The following CYP4F11 variants were observed in gnomAD, a reference collection of about 807,000 sequenced individuals.
CYP4F11 encodes the protein cytochrome P450 4F11.
A neutral mutation model predicts 62.2 loss-of-function variants in CYP4F11; 79 were observed. The ratio of observed to expected loss-of-function variants is 1.27; its 90% CI spans 1.06 to 1.53. CYP4F11 has a LOEUF of 1.53. CYP4F11 is among the 40% of genes most tolerant of loss of function. The pLI is 0.00. For synonymous variants in CYP4F11, 290 were observed against 263.7 expected (o/e 1.10, Z -0.97); for missense variants, 777 against 680.5 (o/e 1.14, Z -1.58).
chr19:15,921,880 G>A (rs971892656), intron 8 of CYP4F11, among the ~76,000 whole-genome samples, 157 bp downstream of exon 8: 1 of 152,118 alleles, frequency 6.6e-6, no homozygotes, highest in African/African-American at 2.4e-5. Flanking sequence ...ACCATCCCCT[G>A]CTGGCCTGGC....
chr19:15,921,650 C>A (rs1379373057), intron 8 of CYP4F11, among the ~76,000 whole-genome samples: 1 of 152,228 alleles, frequency 6.6e-6, no homozygotes, highest in Non-Finnish European at 1.5e-5. Flanking sequence ...CTTTTACCCT[C>A]AGGTCTCTCT....
chr19:15,925,758 A>ACACC (rs908914243), intron 4 of CYP4F11, among the ~76,000 whole-genome samples: 14 of 148,788 alleles, frequency 9.4e-5, no homozygotes, highest in South Asian at 4.3e-4. Context: ...ACACACACAC[A>ACACC]CCCTGTAGTT....
intron 6 of CYP4F11, 57 bp downstream of exon 6, chr19:15,923,755 T>C (rs1419933032): frequency 6.4e-7 from 1 of 1,563,096 alleles, no homozygotes; most frequent in Non-Finnish European, 8.7e-7. Context: ...TTCTTTCATT[T>C]GACAGAGGCA....
chr19:15,924,497 C>A (rs954804005), intron 5 of CYP4F11, among the ~76,000 whole-genome samples: 1 of 152,160 alleles, frequency 6.6e-6, no homozygotes, highest in Non-Finnish European at 1.5e-5. Flanking sequence ...ATCGGCCCAA[C>A]CCTCTTCAAA....
chr19:15,918,721 C>A (rs1390609907), intron 8 of CYP4F11, among the ~76,000 whole-genome samples: 1 of 152,030 alleles, frequency 6.6e-6, no homozygotes, highest in African/African-American at 2.4e-5. Flanking sequence ...AGATAAACAT[C>A]CACACAACAG....
rs935017220 is a variant in CYP4F11 at position 15,929,743 on chromosome 19, G to T, written c.199-142C>A. The T allele has an allele frequency of 3.0e-6, 3 of 987,120 alleles. No homozygotes were observed. In the African/African-American group the frequency reaches 4.9e-5, roughly 16 times the overall value. The allele number at this position is 987,120 out of a possible 1,614,324, so 61.1% of individuals were successfully genotyped here. ...ACATTATTTCTGGATGTGTCCATCG[G>T]TGTATTTCCAGAAGAGATTCACATT... On this transcript the variant is annotated intron_variant, in intron 1 of 11. Coordinates refer to ENST00000402119, the MANE Select transcript of CYP4F11 (RefSeq NM_021187.4).
At chr19:15,919,413 CGGATGGATGGAT>C (rs56657452) in intron 8 of CYP4F11, among the ~76,000 whole-genome samples, 12 of 144,506 alleles carry the variant, frequency 8.3e-5, no homozygotes, top group South Asian at 2.2e-4. Flanking sequence ...GATGGATGGA[CGGATGGATGGAT>C]GGATGGATGG....
intron 8 of CYP4F11, among the ~76,000 whole-genome samples, chr19:15,918,221 G>C (rs1449447758): frequency 6.6e-6 from 1 of 152,138 alleles, no homozygotes; most frequent in Non-Finnish European, 1.5e-5. Context: ...TCACTTACAA[G>C]TGGGAGCCGA....
chr19:15,921,629 G>A lies in CYP4F11; in HGVS notation c.1115+408C>T, dbSNP rs565319589. The stretch of plus-strand genomic sequence containing the variant: ...ATGAACAATGCAGGTGTTCTGGATA[G>A]GAATGAATGACTTTTACCCTCAGGT... On this transcript the variant is annotated intron_variant, in intron 8 of 11. Transcript: ENST00000402119. 5.2e-4 allele frequency among the ~76,000 whole-genome samples: 79 copies of A among 152,328 alleles called. 1 individual carries two copies. The highest frequency in any genetic ancestry group is 6.8e-3 in the Middle Eastern group (2 of 294).
rs1313895231 is a variant in CYP4F11 at position 15,914,838 on chromosome 19, C to A, written c.1173G>T (p.Leu391Phe). The stretch of plus-strand genomic sequence containing the variant: ...GGGAGATGACCGGGACTGGGGGATG[C>A]AACCGCAGGCTCTCCTTAATGCACA... ...LTMCIKESLR[L>F]HPPVPVISRC... The change falls in exon 9 of 12, where the codon TTG (leucine) becomes TTT (phenylalanine). Residue 391 changes from leucine (L) to phenylalanine (F), a missense_variant. Transcript: ENST00000402119. 5.0e-6 allele frequency: 8 copies of A among 1,614,056 alleles called. No homozygotes were observed. The African/African-American group carries it at 1.1e-4, about 22-fold the overall frequency.
chr19:15,934,367 C>T lies in CYP4F11; in HGVS notation c.42G>A (p.Val14=). The change falls in exon 1 of 12, where the codon GTG becomes GTA. Residue 14 remains valine (V), a synonymous_variant. Coordinates refer to ENST00000402119, the MANE Select transcript of CYP4F11 (RefSeq NM_021187.4). ...LSLSWLGLGP[V]AASPWLLLLL... is the part of the protein sequence containing the mutation. ...GCAGAAGCAGCCACGGGGATGCTGC[C>T]ACGGGCCCGAGGCCCAGCCAGGACA... 11 of 1,613,342 alleles carry T rather than the reference C, an allele frequency of 6.8e-6. No individual in the cohort carries two copies. The highest frequency in any genetic ancestry group is 9.3e-6 in the Non-Finnish European group (11 of 1,179,646).
rs763000209 is a variant in CYP4F11 at position 15,914,744 on chromosome 19, C to T, written c.1249+18G>A. The stretch of plus-strand genomic sequence containing the variant: ...CTCTTGCTACCCAGGAGGCTCCTCC[C>T]CCTGAGGCTGTGAGCACCTTTGGGG... On this transcript the variant is annotated intron_variant, in intron 9 of 11. Coordinates refer to ENST00000402119, the MANE Select transcript of CYP4F11 (RefSeq NM_021187.4). 6.2e-7 allele frequency: 1 copy of T among 1,614,050 alleles called. No homozygotes were observed. The highest frequency in any genetic ancestry group is 8.5e-7 in the Non-Finnish European group (1 of 1,179,902).
rs200031770 is a variant in CYP4F11 at position 15,914,629 on chromosome 19, G to C, written c.1287C>G (p.Tyr429Ter). The stretch of plus-strand genomic sequence containing the variant: ...CAGGGTCTGGCCACACAGTTGGGTT[G>C]TAATGGATCCCGATAATATTGATGA... ...VCLINIIGIHYNPTVWPDPEV... is the reference protein window; with the variant it reads ...VCLINIIGIH Residue 429 changes from tyrosine (Y) to a stop codon, truncating the protein, a stop_gained, in exon 10 of 12, where the codon TAC (tyrosine) becomes TAG (stop). Coordinates refer to ENST00000402119, the MANE Select transcript of CYP4F11 (RefSeq NM_021187.4). LOFTEE classifies it high-confidence loss of function. 9.8e-5 allele frequency: 158 copies of C among 1,614,104 alleles called. No individual in the cohort carries two copies. The highest frequency in any genetic ancestry group is 1.2e-4 in the Non-Finnish European group (143 of 1,180,042).
At position 15,927,223 on chromosome 19, in the gene CYP4F11, T is replaced by C. The variant is rs1182646501; in HGVS notation, c.514A>G (p.Asn172Asp). 7.4e-6 allele frequency: 12 copies of C among 1,614,068 alleles called. No individual in the cohort carries two copies. Among genetic ancestry groups the C allele is most frequent in the Non-Finnish European group, 8.5e-6 (10 of 1,179,952 alleles). ...TTCAAGGGACTCACGTGCATGATGTTCACACTCTTGTTGAAAATCTTCATA... is the reference window on the plus strand; with the variant it reads ...TTCAAGGGACTCACGTGCATGATGTCCACACTCTTGTTGAAAATCTTCATA... ...PYMKIFNKSV[N>D]IMHDKWQRLA... Residue 172 changes from asparagine (N) to aspartate (D), a missense_variant, in exon 4 of 12, where the codon AAC becomes GAC. Physicochemically the swap from Asn to Asp is conservative, Grantham distance 23 (BLOSUM62 1). Transcript: ENST00000402119.
At position 15,914,377 on chromosome 19, in the gene CYP4F11, G is replaced by A. The variant is rs1371921233; in HGVS notation, c.1325C>T (p.Pro442Leu). ...GATGTTCTCTTGGTCGAAACGGAAGGGGTCGTAGACCTGCAGGTGAGACCA... is the reference window on the plus strand; with the variant it reads ...GATGTTCTCTTGGTCGAAACGGAAGAGGTCGTAGACCTGCAGGTGAGACCA... ...TVWPDPEVYD[P>L]FRFDQENIKE... The change falls in exon 11 of 12, where the codon CCC (proline) becomes CTC (leucine). Residue 442 changes from proline to leucine, a missense_variant. By Grantham distance (98) the Pro-to-Leu change is moderately conservative (BLOSUM62 -3). Coordinates refer to ENST00000402119, the MANE Select transcript of CYP4F11 (RefSeq NM_021187.4). The A allele has an allele frequency of 6.2e-7, 1 of 1,613,998 alleles. No individual in the cohort carries two copies. Among genetic ancestry groups the A allele is most frequent in the Non-Finnish European group, 8.5e-7 (1 of 1,179,938 alleles).
chr19:15,912,745 A>ATGTGTGTG lies in CYP4F11; in HGVS notation c.*979_*986dup, dbSNP rs202181290. ...TGTGTGTGTGTGTGTATATGTATAT[A>ATGTGTGTG]TGTGTGTGTGTGTGTGTGTGTGTGT... On this transcript the variant is annotated 3_prime_UTR_variant, in exon 12 of 12. Coordinates refer to ENST00000402119, the MANE Select transcript of CYP4F11 (RefSeq NM_021187.4). The ATGTGTGTG allele has an allele frequency of 7.0e-5, 6 of 85,958 alleles. No homozygotes were observed. The highest frequency in any genetic ancestry group is 3.7e-4 in the African/African-American group (6 of 16,158). The allele number at this position is 85,958 out of a possible 1,614,324, so 5.3% of individuals were successfully genotyped here.
At chr19:15,933,991 AATGAGTGAGTGGG>A in intron 1 of CYP4F11, among the ~76,000 whole-genome samples, 3 of 112,742 alleles carry the variant, frequency 2.7e-5, no homozygotes, top group South Asian at 6.8e-4. Context: ...CGGGGAGAGG[AATGAGTGAGTGGG>A]CAGAGGAATG....
At chr19:15,916,966 T>A (rs2089587978) in intron 8 of CYP4F11, among the ~76,000 whole-genome samples, 1 of 152,104 alleles carries the variant, frequency 6.6e-6, no homozygotes, top group Non-Finnish European at 1.5e-5. Context: ...AAAAGACACA[T>A]GCACACGCAT....
intron 6 of CYP4F11, among the ~76,000 whole-genome samples, chr19:15,923,543 TAGACATAGATAG>T (rs1233320322): frequency 1.3e-5 from 2 of 152,150 alleles, no homozygotes; most frequent in African/African-American, 4.8e-5. Context: ...ATCATAGATA[TAGACATAGATAG>T]ATATGCATAA....
Sources: gnomAD v4.1 joint callset for allele counts (sites outside exome capture counted in the v4.1 genomes callset) on GRCh38, gnomAD v4.1.1 for gene constraint, MANE v1.5 for transcripts, NCBI Gene and HGNC (gene_info 2026-07-23, HGNC 2026-07-21) for gene names.